The following RNF123 variants were observed in gnomAD, a reference collection of about 807,000 sequenced individuals.
RNF123 encodes E3 ubiquitin-protein ligase RNF123.
In RNF123, 86 loss-of-function variants were observed where a neutral mutation model predicts 168.5. The observed-to-expected ratio is 0.51, with a 90% CI of 0.43 to 0.61. The LOEUF is 0.61. RNF123 is among the 20% of genes least tolerant of loss of function. RNF123 has a pLI of 0.00. For synonymous variants in RNF123, 666 were observed against 689.1 expected, an observed-to-expected ratio of 0.97 and a Z score of 0.52; for missense variants, 1,419 against 1,729.7, an observed-to-expected ratio of 0.82 and a Z score of 3.19.
intron 12 of RNF123, 46 bp from the exon 13 acceptor site, chr3:49,700,181 C>G: frequency 6.2e-7 from 1 of 1,610,778 alleles, no homozygotes; most frequent in South Asian, 1.1e-5. Flanking sequence ...GGTGCCTTGA[C>G]CAGAGTGGAA....
intron 3 of RNF123, 146 bp from the exon 4 acceptor site, chr3:49,696,997 T>G: frequency 1.4e-6 from 1 of 725,376 alleles, no homozygotes; most frequent in Non-Finnish European, 2.5e-6. Flanking sequence ...TCTGACCTCC[T>G]GCATGCCAGA....
At chr3:49,718,984 T>C (rs539593416) in intron 35 of RNF123, 1 of 1,613,756 alleles carries the variant, frequency 6.2e-7, no homozygotes, top group Admixed American at 1.7e-5. Flanking sequence ...CAGGTAGAGA[T>C]GGCTGAGCGC....
rs1170421002 is a variant in RNF123 at position 49,720,486 on chromosome 3, T to A, written c.3501-25T>A. The A allele has an allele frequency of 3.9e-6, 6 of 1,521,832 alleles. No homozygotes were observed. The African/African-American group carries it at 8.3e-5, about 21-fold the overall frequency. The allele number at this position is 1,521,832 out of a possible 1,614,324, so 94.3% of individuals were successfully genotyped here. Reference sequence around the variant, plus strand: ...TTAGCCAGGCCCCAAGCCTTCTGACTGCCCTTGCACCCTCCCCTACCTAGG... The same window carrying A: ...TTAGCCAGGCCCCAAGCCTTCTGACAGCCCTTGCACCCTCCCCTACCTAGG... On this transcript the variant is annotated intron_variant, in intron 35 of 38. Coordinates refer to ENST00000327697, the MANE Select transcript of RNF123 (RefSeq NM_022064.5).
At chr3:49,703,030 C>T (rs956423179) in intron 20 of RNF123, among the ~76,000 whole-genome samples, 2 of 152,240 alleles carry the variant, frequency 1.3e-5, no homozygotes, top group Non-Finnish European at 2.9e-5. Context: ...CCCCATTTCT[C>T]TGTGCGTCCT....
chr3:49,711,804 A>G (rs1195187321), intron 26 of RNF123, among the ~76,000 whole-genome samples: 1 of 151,454 alleles, frequency 6.6e-6, no homozygotes. Flanking sequence ...GTTTCCTGTG[A>G]CCTCTGTTCC....
intron 18 of RNF123, 59 bp downstream of exon 18, chr3:49,702,203 C>T: frequency 1.3e-6 from 2 of 1,599,092 alleles, no homozygotes; most frequent in Admixed American, 3.3e-5. Flanking sequence ...TGCACTGGGC[C>T]TTAAGACCCA....
chr3:49,700,298 A>T lies in RNF123; in HGVS notation c.1056A>T (p.Thr352=). The T allele has an allele frequency of 6.2e-7, 1 of 1,614,222 alleles. No homozygotes were observed. The highest frequency in any genetic ancestry group is 8.5e-7 in the Non-Finnish European group (1 of 1,180,024). The part of the protein sequence containing the change: ...LLGIVEKGTP[T]QAQSVVHQVL... ...GCATCGTGGAGAAGGGCACACCCACACAGGCACAGTCCGTGGTGCACCAGG... is the reference window on the plus strand; with the variant it reads ...GCATCGTGGAGAAGGGCACACCCACTCAGGCACAGTCCGTGGTGCACCAGG... The change falls in exon 13 of 39, where the codon ACA becomes ACT. Residue 352 remains threonine, a synonymous_variant. Transcript: ENST00000327697.
At chr3:49,712,990 C>G in intron 27 of RNF123, 1 of 698,714 alleles carries the variant, frequency 1.4e-6, no homozygotes, top group Non-Finnish European at 2.6e-6. Flanking sequence ...CTCCCTGGCA[C>G]TGGTCACAAA....
At chr3:49,698,271 G>A (rs774097629) in intron 7 of RNF123, 134 bp downstream of exon 7, 160 of 946,498 alleles carry the variant, frequency 1.7e-4, no homozygotes, top group Non-Finnish European at 2.4e-4. Flanking sequence ...GAGAAGAAAC[G>A]TGTCCCACCC....
chr3:49,720,410 T>TGATC, intron 35 of RNF123, 101 bp from the exon 36 acceptor site: 1 of 1,174,624 alleles, frequency 8.5e-7, no homozygotes, highest in Non-Finnish European at 1.1e-6. Context: ...GCAGGGGGGG[T>TGATC]GATCATGTAC....
chr3:49,696,336 T>C (rs1473996668), intron 3 of RNF123, among the ~76,000 whole-genome samples: 1 of 152,094 alleles, frequency 6.6e-6, no homozygotes, highest in Non-Finnish European at 1.5e-5. Flanking sequence ...GAATTAAGAC[T>C]TAGAGAGGGC....
At position 49,701,494 on chromosome 3, in the gene RNF123, C is replaced by T. The variant is rs200267865; in HGVS notation, c.1281C>T (p.Phe427=). 4.5e-5 allele frequency: 72 copies of T among 1,613,374 alleles called. No individual in the cohort carries two copies. The highest frequency in any genetic ancestry group is 3.3e-5 in the Admixed American group (2 of 60,028). The part of the protein sequence containing the change: ...SRKFLLSNVL[F]DVLRSVVFFY... Reference sequence around the variant, plus strand: ...GCCCTGCCTTGACACCCGCCAGCTTCGACGTGCTCCGCTCCGTCGTCTTCT... The same window carrying T: ...GCCCTGCCTTGACACCCGCCAGCTTTGACGTGCTCCGCTCCGTCGTCTTCT... The change falls in exon 16 of 39, where the codon TTC becomes TTT. Residue 427 remains phenylalanine (F), a synonymous_variant. Coordinates refer to ENST00000327697, the MANE Select transcript of RNF123 (RefSeq NM_022064.5).
rs1344984291 is a variant in RNF123, at chr3:49,720,526, A to T, written c.3516A>T (p.Thr1172=). ...CCCTACCTAGGAGAGAGCAAGCCAC[A>T]TCAGTGCTCCTGGCAGATCCCTGCT... The part of the protein sequence containing the change: ...RGPASEREQA[T]SVLLADPCFQ... The change falls in exon 36 of 39, where the codon ACA becomes ACT. Residue 1172 remains threonine, a synonymous_variant. Transcript: ENST00000327697. 1.3e-6 allele frequency: 2 copies of T among 1,598,466 alleles called. No homozygotes were observed. The highest frequency in any genetic ancestry group is 1.7e-6 in the Non-Finnish European group (2 of 1,171,278).
chr3:49,705,462 C>A, intron 23 of RNF123, 72 bp from the exon 24 acceptor site: 1 of 1,523,268 alleles, frequency 6.6e-7, no homozygotes, highest in Admixed American at 2.2e-5. Flanking sequence ...ATGATTTCCT[C>A]TCCTGCTGTG....
chr3:49,691,770 C>G (rs2054171331), intron 3 of RNF123, among the ~76,000 whole-genome samples: 1 of 152,234 alleles, frequency 6.6e-6, no homozygotes, highest in Non-Finnish European at 1.5e-5. Context: ...CAGCTAGCAC[C>G]TGGCACCTAC....
At chr3:49,719,008 A>G in intron 35 of RNF123, 2 of 1,613,872 alleles carry the variant, frequency 1.2e-6, no homozygotes, top group Non-Finnish European at 1.7e-6. Context: ...CAGGCCGTGG[A>G]AGGCATGCTC....
chr3:49,717,690 C>T (rs896897916), intron 35 of RNF123: 3 of 563,508 alleles, frequency 5.3e-6, no homozygotes, highest in East Asian at 3.0e-5. Flanking sequence ...AGGAAGTCCG[C>T]GGGAAAGCAG....
rs554335462 is a variant in RNF123, at chr3:49,699,493, C to A, written c.790C>A (p.Leu264Met). 6.2e-7 allele frequency: 1 copy of A among 1,609,446 alleles called. No individual in the cohort carries two copies. Among genetic ancestry groups the A allele is most frequent in the Non-Finnish European group, 8.5e-7 (1 of 1,178,318 alleles). ...CTACCCAGTGGCAGGCTACCGGCCC[C>A]TGCAGGACCCACCGAGTGCTGACCT... ...LRYPVAGYRP[L>M]QDPPSADLVR... The change falls in exon 11 of 39, where the codon CTG (leucine) becomes ATG (methionine). Residue 264 changes from leucine to methionine, a missense_variant. Around this residue, in one of 5 missense-constraint regions of RNF123, gnomAD observed 318 missense variants for 446.6 expected, o/e 0.71. Transcript: ENST00000327697. The surrounding 1 kb of genome is among the most constrained non-coding windows in gnomAD (Gnocchi z 4.8).
In RNF123 at chr3:49,717,691, G is replaced by C. The variant is rs781357128; in HGVS notation, c.3500+1214G>C. On this transcript the variant is annotated intron_variant, in intron 35 of 38. Coordinates refer to ENST00000327697, the MANE Select transcript of RNF123 (RefSeq NM_022064.5). ...GGCATTTGGGCACTAGGAAGTCCGC[G>C]GGAAAGCAGGAACTAGCACACCTTG... 5.3e-6 allele frequency: 3 copies of C among 567,484 alleles called. No homozygotes were observed. In the African/African-American group the frequency reaches 5.6e-5, roughly 11 times the overall value. The allele number at this position is 567,484 out of a possible 1,614,324, so 35.2% of individuals were successfully genotyped here. A position where few individuals can be genotyped will look rare whatever the true frequency, so the allele number is the denominator to read the frequency against.
Sources: allele counts gnomAD v4.1 joint callset (sites outside exome capture counted in the v4.1 genomes callset), GRCh38; gene constraint gnomAD v4.1.1; regional missense constraint gnomAD v4.1.1; non-coding constraint Gnocchi (gnomAD v3.1); transcripts MANE v1.5; gene names NCBI Gene and HGNC (gene_info 2026-07-23, HGNC 2026-07-21).